The following SDK1 variants were observed in gnomAD, a reference collection of about 807,000 sequenced individuals.
SDK1 encodes the protein protein sidekick-1.
Under a neutral mutation model 245.5 loss-of-function variants are expected in SDK1, and 157 were observed. The observed-to-expected ratio is 0.64, with a 90% CI of 0.56 to 0.73. SDK1 has a LOEUF of 0.73. SDK1 is among the 30% of genes least tolerant of loss of function. The pLI, the probability that SDK1 is intolerant of heterozygous loss-of-function variation, is 0.00. For synonymous variants in SDK1, 1,647 were observed against 1,278.5 expected, an observed-to-expected ratio of 1.29 and a Z score of -6.15; for missense variants, 3,583 against 3,002.3, an observed-to-expected ratio of 1.19 and a Z score of -4.52.
At chr7:3,469,926 A>G (rs1490349064) in intron 1 of SDK1, among the ~76,000 whole-genome samples, 1 of 152,188 alleles carries the variant, frequency 6.6e-6, no homozygotes, top group Non-Finnish European at 1.5e-5. Context: ...TTTCATCCTA[A>G]GTTATAGATT....
intron 4 of SDK1, among the ~76,000 whole-genome samples, chr7:3,736,955 A>G (rs909203409): frequency 1.8e-4 from 27 of 152,230 alleles, no homozygotes; most frequent in Non-Finnish European, 8.8e-5. Flanking sequence ...CTTGGCAACC[A>G]GCATTCTACT....
intron 2 of SDK1, among the ~76,000 whole-genome samples, chr7:3,633,756 C>T (rs1211606883): frequency 2.0e-5 from 3 of 152,212 alleles, no homozygotes; most frequent in Middle Eastern, 3.2e-3. Flanking sequence ...TCTAAAACCA[C>T]AGAAACCAAC....
chr7:4,174,307 C>T lies in SDK1; in HGVS notation c.4886C>T (p.Thr1629Ile), dbSNP rs1354244754. Reference protein sequence around the residue: ...RELEYEAGSGTEAKTLKNPIA... With the variant: ...RELEYEAGSGIEAKTLKNPIA... ...CTGGAGTATGAAGCCGGGTCAGGCACTGAGGCCAAGACGCTCAAAAACCCT... is the reference window on the plus strand; with the variant it reads ...CTGGAGTATGAAGCCGGGTCAGGCATTGAGGCCAAGACGCTCAAAAACCCT... The change falls in exon 33 of 45, where the codon ACT becomes ATT. Residue 1629 changes from threonine (T) to isoleucine (I), a missense_variant. Physicochemically the swap from Thr to Ile is moderately conservative, Grantham distance 89. Coordinates refer to ENST00000404826, the MANE Select transcript of SDK1 (RefSeq NM_152744.4). 6.2e-7 allele frequency: 1 copy of T among 1,613,918 alleles called. No individual in the cohort carries two copies. The highest frequency in any genetic ancestry group is 1.1e-5 in the South Asian group (1 of 91,088).
chr7:3,941,286 T>A (rs1004423399), intron 5 of SDK1, among the ~76,000 whole-genome samples: 2 of 152,078 alleles, frequency 1.3e-5, no homozygotes, highest in African/African-American at 4.8e-5. Flanking sequence ...GTGGTAGGCT[T>A]TGGTTGTGGC....
At chr7:3,758,937 G>T (rs919411380) in intron 4 of SDK1, among the ~76,000 whole-genome samples, 1 of 152,124 alleles carries the variant, frequency 6.6e-6, no homozygotes, top group African/African-American at 2.4e-5. Context: ...GTATTTCTGA[G>T]TCTAATCCAG....
At chr7:3,902,803 A>T (rs940896851) in intron 5 of SDK1, among the ~76,000 whole-genome samples, 1 of 152,154 alleles carries the variant, frequency 6.6e-6, no homozygotes, top group African/African-American at 2.4e-5. Context: ...TCTATGTTTT[A>T]TTGTTTGCTA....
At chr7:3,560,427 GT>G (rs1046819246) in intron 1 of SDK1, among the ~76,000 whole-genome samples, 4 of 150,572 alleles carry the variant, frequency 2.7e-5, no homozygotes, top group African/African-American at 4.9e-5. Context: ...TGTGTGTTTT[GT>G]TTTTTTTTAA....
chr7:3,407,447 C>G (rs944010701), intron 1 of SDK1, among the ~76,000 whole-genome samples: 4 of 152,098 alleles, frequency 2.6e-5, no homozygotes, highest in Non-Finnish European at 4.4e-5. Flanking sequence ...GTTGACTGGT[C>G]TCAGCAACCT....
At chr7:4,212,799 A>T (rs1313826040) in intron 38 of SDK1, among the ~76,000 whole-genome samples, 1 of 152,218 alleles carries the variant, frequency 6.6e-6, no homozygotes, top group Non-Finnish European at 1.5e-5. Context: ...TGACTGTGAA[A>T]GCTTCATAGT....
At chr7:3,587,536 G>A (rs572838791) in intron 1 of SDK1, among the ~76,000 whole-genome samples, 3 of 152,108 alleles carry the variant, frequency 2.0e-5, no homozygotes, top group African/African-American at 4.8e-5. Context: ...TGATGTCCCC[G>A]ACTGAGCTGT....
At chr7:3,495,352 G>A (rs751885846) in intron 1 of SDK1, among the ~76,000 whole-genome samples, 23 of 145,472 alleles carry the variant, frequency 1.6e-4, no homozygotes, top group Non-Finnish European at 1.6e-4. Flanking sequence ...CTGCCTCTCA[G>A]GCTCAGGTGA....
At chr7:4,216,853 A>G (rs1377248753) in intron 38 of SDK1, among the ~76,000 whole-genome samples, 1 of 152,196 alleles carries the variant, frequency 6.6e-6, no homozygotes, top group Non-Finnish European at 1.5e-5. Flanking sequence ...TCCACTGTGA[A>G]CACAGTCGTG....
At chr7:4,190,628 G>A (rs1018465765) in intron 35 of SDK1, among the ~76,000 whole-genome samples, 7 of 152,234 alleles carry the variant, frequency 4.6e-5, no homozygotes, top group African/African-American at 7.2e-5. Context: ...TCTCCAATGC[G>A]CTGCACCCGG....
intron 1 of SDK1, among the ~76,000 whole-genome samples, chr7:3,516,871 T>G (rs1782769503): frequency 6.6e-6 from 1 of 152,110 alleles, no homozygotes; most frequent in Non-Finnish European, 1.5e-5. Context: ...CACCCATTAT[T>G]TGGGGACATG....
At position 4,267,985 on chromosome 7, in the gene SDK1, C is replaced by T. The variant is rs1191921430; in HGVS notation, c.*2601C>T. On this transcript the variant is annotated 3_prime_UTR_variant, in exon 45 of 45. Coordinates refer to ENST00000404826, the MANE Select transcript of SDK1 (RefSeq NM_152744.4). ...TTTGAGAAGCAACAGTTCCTAACTC[C>T]TTATCTTCAGGGAAGGAAAAGAAAA... 8.1e-6 allele frequency: 8 copies of T among 985,384 alleles called. No homozygotes were observed. The highest frequency in any genetic ancestry group is 9.6e-6 in the Non-Finnish European group (8 of 829,988). 61.0% of individuals were successfully genotyped at this position (985,384 alleles called of 1,614,324 possible). A position where few individuals can be genotyped will look rare whatever the true frequency, so the allele number is the denominator to read the frequency against.
chr7:3,798,877 C>G (rs576705847), intron 4 of SDK1, among the ~76,000 whole-genome samples: 2 of 152,312 alleles, frequency 1.3e-5, no homozygotes. Flanking sequence ...TATGCACATA[C>G]TCTGCTTTTC....
intron 18 of SDK1, among the ~76,000 whole-genome samples, chr7:4,050,702 A>C (rs755975013): frequency 6.6e-6 from 1 of 152,070 alleles, no homozygotes; most frequent in Non-Finnish European, 1.5e-5. Flanking sequence ...GATATAAATT[A>C]TAAATAATTA....
intron 1 of SDK1, among the ~76,000 whole-genome samples, chr7:3,611,740 A>G (rs767460953): frequency 2.8e-4 from 42 of 152,112 alleles, no homozygotes; most frequent in Admixed American, 1.4e-3. Flanking sequence ...AATTATGGCT[A>G]TTGATCAGGA....
intron 4 of SDK1, among the ~76,000 whole-genome samples, chr7:3,717,287 A>C (rs548893656): frequency 6.6e-6 from 1 of 152,320 alleles, no homozygotes; most frequent in African/African-American, 2.4e-5. Context: ...ATTAACAGAG[A>C]GATAACAGGA....
Sources: allele counts gnomAD v4.1 joint callset (sites outside exome capture counted in the v4.1 genomes callset), GRCh38; gene constraint gnomAD v4.1.1; transcripts MANE v1.5; gene names NCBI Gene and HGNC (gene_info 2026-07-23, HGNC 2026-07-21).